MECOM: variants seen among roughly 807,000 people sequenced by gnomAD.
MECOM encodes the protein histone-lysine N-methyltransferase MECOM.
MECOM carries 13 observed loss-of-function variants against 116.3 expected under a neutral mutation model. The ratio of observed to expected loss-of-function variants is 0.11; its 90% CI spans 0.07 to 0.18. The LOEUF (loss-of-function observed/expected upper bound fraction) is 0.18. MECOM is among the 10% of genes least tolerant of loss of function. The pLI, the probability that MECOM is intolerant of heterozygous loss-of-function variation, is 1.00. For synonymous variants in MECOM, 528 were observed against 535.2 expected (o/e 0.99, Z 0.19); for missense variants, 1,299 against 1,509.0 (o/e 0.86, Z 2.31).
chr3:169,104,620 C>A (rs1375583238), intron 10 of MECOM, among the ~76,000 whole-genome samples: 1 of 152,088 alleles, frequency 6.6e-6, no homozygotes, highest in Non-Finnish European at 1.5e-5. Flanking sequence ...ATTTGAGTGT[C>A]CATCTTGCTG....
chr3:169,353,583 C>A (rs773747521), intron 2 of MECOM, among the ~76,000 whole-genome samples: 81 of 151,778 alleles, frequency 5.3e-4, no homozygotes, highest in Non-Finnish European at 1.0e-3. Flanking sequence ...AATTCAGAAT[C>A]TTTTCCAAAA....
At chr3:169,459,105 G>A (rs2108725951) in intron 1 of MECOM, among the ~76,000 whole-genome samples, 1 of 152,236 alleles carries the variant, frequency 6.6e-6, no homozygotes, top group African/African-American at 2.4e-5. Context: ...CATGTGCTTG[G>A]GAAATCCAAG....
intron 1 of MECOM, among the ~76,000 whole-genome samples, chr3:169,653,170 A>G (rs1302537105): frequency 5.3e-5 from 8 of 152,222 alleles, no homozygotes; most frequent in Non-Finnish European, 1.5e-5. Context: ...CAGATATCCC[A>G]GAATTCTGGT....
intron 10 of MECOM, among the ~76,000 whole-genome samples, chr3:169,104,435 T>C (rs1203954429): frequency 6.6e-6 from 1 of 152,176 alleles, no homozygotes; most frequent in Non-Finnish European, 1.5e-5. Flanking sequence ...GTTTTCTGAG[T>C]GAAAAATGAA....
intron 1 of MECOM, among the ~76,000 whole-genome samples, chr3:169,623,488 C>G (rs1455488675): frequency 6.6e-6 from 1 of 152,148 alleles, no homozygotes; most frequent in Non-Finnish European, 1.5e-5. Context: ...AAATTCTCAT[C>G]CTATAAAAAA....
chr3:169,660,298 TCCTG>T (rs1776114941), intron 1 of MECOM, among the ~76,000 whole-genome samples: 1 of 152,244 alleles, frequency 6.6e-6, no homozygotes, highest in Admixed American at 6.5e-5. Context: ...ATGTCAATCT[TCCTG>T]CCTTTCATTT....
chr3:169,221,280 C>G (rs1752102985), intron 2 of MECOM, among the ~76,000 whole-genome samples: 1 of 152,144 alleles, frequency 6.6e-6, no homozygotes, highest in Non-Finnish European at 1.5e-5. Context: ...AGAACTATCA[C>G]CTTTGTCCTA....
At chr3:169,104,059 C>T (rs919003782) in intron 10 of MECOM, among the ~76,000 whole-genome samples, 21 of 152,130 alleles carry the variant, frequency 1.4e-4, no homozygotes, top group African/African-American at 4.1e-4. Context: ...CAAATGTGAA[C>T]GCATCGGGAG....
chr3:169,352,143 G>A (rs541589107), intron 2 of MECOM, among the ~76,000 whole-genome samples: 3 of 151,726 alleles, frequency 2.0e-5, no homozygotes, highest in South Asian at 2.1e-4. Context: ...AATCTGATAC[G>A]TTTTGTTTCT....
At position 169,084,684 on chromosome 3, in the gene MECOM, A is replaced by G. The variant is rs1462428527; in HGVS notation, c.*225T>C. 2.1e-6 allele frequency: 1 copy of G among 472,864 alleles called. No individual in the cohort carries two copies. Among genetic ancestry groups the G allele is most frequent in the Non-Finnish European group, 3.6e-6 (1 of 274,030 alleles). 29.3% of individuals were successfully genotyped at this position (472,864 alleles called of 1,614,324 possible). ...TTTAAGTCGCATTGATTGATCTTCC[A>G]GAAGTCAGCAGCTGCCTTTGCTGTG... On this transcript the variant is annotated 3_prime_UTR_variant, in exon 17 of 17. Coordinates refer to ENST00000651503, the MANE Select transcript of MECOM (RefSeq NM_004991.4).
At chr3:169,586,806 G>A (rs1765828510) in intron 1 of MECOM, among the ~76,000 whole-genome samples, 1 of 152,176 alleles carries the variant, frequency 6.6e-6, no homozygotes, top group South Asian at 2.1e-4. Context: ...ATTCAGTTTG[G>A]TCAGTTCTTA....
intron 2 of MECOM, among the ~76,000 whole-genome samples, chr3:169,295,652 G>A (rs1027407519): frequency 1.3e-5 from 2 of 152,060 alleles, no homozygotes; most frequent in Non-Finnish European, 2.9e-5. Flanking sequence ...GAACATCAAT[G>A]TTACCTACCT....
intron 2 of MECOM, among the ~76,000 whole-genome samples, chr3:169,300,777 A>T (rs1716555279): frequency 6.6e-6 from 1 of 152,210 alleles, no homozygotes; most frequent in Non-Finnish European, 1.5e-5. Context: ...ACGATAACCC[A>T]AACGGGTTCC....
intron 1 of MECOM, among the ~76,000 whole-genome samples, chr3:169,584,161 T>TGA (rs1200604008): frequency 6.6e-6 from 1 of 152,222 alleles, no homozygotes; most frequent in African/African-American, 2.4e-5. Flanking sequence ...ACATAGAAGA[T>TGA]ATTCTCATTC....
In MECOM at chr3:169,277,836, C is replaced by T. The variant is rs79596797; in HGVS notation, c.375+103351G>A. 3.2e-4 allele frequency among the ~76,000 whole-genome samples: 48 copies of T among 152,286 alleles called. No individual in the cohort carries two copies. In the East Asian group the frequency reaches 7.7e-3, roughly 24 times the overall value. On this transcript the variant is annotated intron_variant, in intron 2 of 16. Transcript: ENST00000651503. ...TAACAAGGGAACTCACACCGCAAAA[C>T]ATTCTTCTTGACTTCCAACCAGGGT...
intron 1 of MECOM, among the ~76,000 whole-genome samples, chr3:169,388,614 G>A (rs1733753740): frequency 6.6e-6 from 1 of 152,206 alleles, no homozygotes; most frequent in Non-Finnish European, 1.5e-5. Flanking sequence ...TTAGAAAACA[G>A]AGACATTGAA....
intron 2 of MECOM, among the ~76,000 whole-genome samples, chr3:169,149,118 C>G (rs2306281): frequency 6.8e-6 from 1 of 147,560 alleles, no homozygotes; most frequent in Non-Finnish European, 1.5e-5. Context: ...TAAATTGGAC[C>G]GGCTCGAGCT....
chr3:169,291,662 A>T (rs1171892948), intron 2 of MECOM, among the ~76,000 whole-genome samples: 1 of 152,222 alleles, frequency 6.6e-6, no homozygotes, highest in Non-Finnish European at 1.5e-5. Context: ...TCATTGTTAT[A>T]GCATCTATTA....
chr3:169,336,170 C>G (rs1723559295), intron 2 of MECOM, among the ~76,000 whole-genome samples: 1 of 152,040 alleles, frequency 6.6e-6, no homozygotes, highest in Admixed American at 6.6e-5. Flanking sequence ...CCAGTGAAAT[C>G]ATACACTATT....
Sources: gnomAD v4.1 joint callset for allele counts (sites outside exome capture counted in the v4.1 genomes callset) on GRCh38, gnomAD v4.1.1 for gene constraint, MANE v1.5 for transcripts, NCBI Gene and HGNC (gene_info 2026-07-23, HGNC 2026-07-21) for gene names.